Variants in SCN9A observed in about 807,000 individuals in gnomAD.
SCN9A encodes the protein sodium voltage-gated channel alpha subunit 9, also known as sodium channel protein type 9 subunit alpha.
In SCN9A, 131 loss-of-function variants were observed where a neutral mutation model predicts 187.0. That is an observed-to-expected ratio of 0.70 (90% confidence interval 0.61 to 0.81). The LOEUF is 0.81. Ranked by LOEUF, SCN9A falls within the 30% of genes least tolerant of loss-of-function variation. The probability of loss-of-function intolerance (pLI) is 0.00; values close to 1 mark genes in which losing one functional copy is unlikely to be tolerated. For missense variants in SCN9A, 2,252 were observed against 2,396.6 expected (o/e 0.94, Z 1.26); for synonymous variants, 809 against 808.6 (o/e 1.00, Z -0.01).
rs1346697903 is a variant in SCN9A, at chr2:166,199,774, C to T, written c.4865G>A (p.Arg1622His). Residue 1622 changes from arginine (R) to histidine (H), a missense_variant, in exon 27 of 27, where the codon CGT becomes CAT. Arg to His is a conservative substitution (Grantham distance 29). Transcript: ENST00000642356. Reference protein sequence around the residue: ...IRLARIGRILRLVKGAKGIRT... With the variant: ...IRLARIGRILHLVKGAKGIRT... ...GATCCCCTTTGCTCCTTTGACTAGA[C>T]GTAGGATTCGGCCAATCCTGGCAAG... The T allele has an allele frequency of 2.5e-6, 4 of 1,613,860 alleles. No individual in the cohort carries two copies. The highest frequency in any genetic ancestry group is 2.5e-6 in the Non-Finnish European group (3 of 1,180,016).
At chr2:166,346,174 A>C (rs1040509571) in intron 1 of SCN9A, among the ~76,000 whole-genome samples, 1 of 152,188 alleles carries the variant, frequency 6.6e-6, no homozygotes, top group Non-Finnish European at 1.5e-5. Context: ...GTGATGCCCT[A>C]CCACTATCCC....
chr2:166,324,280 G>A (rs749608721), intron 1 of SCN9A, among the ~76,000 whole-genome samples: 4 of 151,510 alleles, frequency 2.6e-5, no homozygotes, highest in Non-Finnish European at 5.9e-5. Context: ...ACCAGAGAGC[G>A]GGACTCCATC....
intron 17 of SCN9A, among the ~76,000 whole-genome samples, chr2:166,259,746 A>G (rs1476198826): frequency 6.6e-6 from 1 of 151,820 alleles, no homozygotes; most frequent in Admixed American, 6.6e-5. Flanking sequence ...AGCATTGCAA[A>G]AAAGTGAAGT....
intron 1 of SCN9A, among the ~76,000 whole-genome samples, chr2:166,350,094 C>T (rs768260693): frequency 6.6e-6 from 1 of 152,196 alleles, no homozygotes; most frequent in Non-Finnish European, 1.5e-5. Flanking sequence ...ACTTCCTCTG[C>T]CATAATTAAA....
intron 17 of SCN9A, among the ~76,000 whole-genome samples, chr2:166,258,755 G>T (rs1247288623): frequency 6.6e-6 from 1 of 151,552 alleles, no homozygotes; most frequent in East Asian, 1.9e-4. Context: ...CCTGCTCTGA[G>T]ATTTTATATT....
chr2:166,331,270 C>T lies in SCN9A; in HGVS notation c.-50-19464G>A, dbSNP rs1431909432. Among the ~76,000 whole-genome samples, 3 of 151,906 alleles carry T rather than the reference C, an allele frequency of 2.0e-5. No individual in the cohort carries two copies. In the East Asian group the frequency reaches 5.8e-4, roughly 29 times the overall value. On this transcript the variant is annotated intron_variant, in intron 1 of 26. Coordinates refer to ENST00000642356, the MANE Select transcript of SCN9A (RefSeq NM_001365536.1). The stretch of plus-strand genomic sequence containing the variant: ...TAGAAAAATTTAGTCTTTCTTTTAC[C>T]ACAACTGAGTATAGTGTGTGTATGT...
intron 24 of SCN9A, among the ~76,000 whole-genome samples, chr2:166,221,583 G>T (rs780446205): frequency 6.6e-6 from 1 of 152,072 alleles, no homozygotes; most frequent in East Asian, 1.9e-4. Context: ...AAATATCTTC[G>T]TAAAGAAGGA....
chr2:166,335,609 T>A (rs1400307446), intron 1 of SCN9A, among the ~76,000 whole-genome samples: 2 of 152,114 alleles, frequency 1.3e-5, no homozygotes, highest in African/African-American at 4.8e-5. Flanking sequence ...AGGGTGATGT[T>A]CGGGACTGGG....
intron 8 of SCN9A, 28 bp downstream of exon 8, chr2:166,294,571 G>A: frequency 6.4e-7 from 1 of 1,553,686 alleles, no homozygotes; most frequent in South Asian, 1.1e-5. Flanking sequence ...TCAGCCTTTA[G>A]ACTAAAAAGA....
rs745837064 is a variant in SCN9A, at chr2:166,204,022, G to A, written c.4707C>T (p.Leu1569=). 4.4e-6 allele frequency: 7 copies of A among 1,606,820 alleles called. No homozygotes were observed. The East Asian group carries it at 1.6e-4, about 36-fold the overall frequency. Residue 1569 remains leucine, a synonymous_variant, in exon 26 of 27, where the codon CTC becomes CTT. Transcript: ENST00000642356. ...TGECVLKLIS[L]RHYYFTVGWN... ...ATCCTACAGTGAAGTAGTAGTGTCT[G>A]AGGGAGATCAGTTTTAGCACACATT...
intron 26 of SCN9A, among the ~76,000 whole-genome samples, chr2:166,203,437 G>A (rs2106345147): frequency 6.6e-6 from 1 of 152,048 alleles, no homozygotes; most frequent in Admixed American, 6.5e-5. Context: ...ACCATGGCTG[G>A]TTGAGGAATG....
chr2:166,252,711 C>A (rs560343090), intron 17 of SCN9A, among the ~76,000 whole-genome samples: 1 of 151,828 alleles, frequency 6.6e-6, no homozygotes, highest in South Asian at 2.1e-4. Context: ...TATAAGTGAT[C>A]ATAACGCAAA....
chr2:166,256,136 A>G (rs1346936759), intron 17 of SCN9A, among the ~76,000 whole-genome samples: 1 of 151,282 alleles, frequency 6.6e-6, no homozygotes, highest in Non-Finnish European at 1.5e-5. Flanking sequence ...TGTAGAACAA[A>G]AATAACCTTT....
chr2:166,302,929 T>C (rs938007943), intron 7 of SCN9A, 161 bp downstream of exon 7: 6 of 599,298 alleles, frequency 1.0e-5, no homozygotes, highest in African/African-American at 7.5e-5. Flanking sequence ...GGATGATTTA[T>C]GAAAATCATA....
chr2:166,204,236 A>G lies in SCN9A; in HGVS notation c.4504-11T>C. On this transcript the variant is annotated splice_polypyrimidine_tract_variant and intron_variant, in intron 25 of 26. Coordinates refer to ENST00000642356, the MANE Select transcript of SCN9A (RefSeq NM_001365536.1). Reference sequence around the variant, plus strand: ...TCCTTGGATTTTGTTCTGCAAAGAAATAAGAATAATATCGAATGCAGAGTA... The same window carrying G: ...TCCTTGGATTTTGTTCTGCAAAGAAGTAAGAATAATATCGAATGCAGAGTA... 1 of 1,605,680 alleles carries G rather than the reference A, an allele frequency of 6.2e-7. No individual in the cohort carries two copies. The highest frequency in any genetic ancestry group is 1.1e-5 in the South Asian group (1 of 89,804).
At position 166,304,271 on chromosome 2, in the gene SCN9A, A is replaced by C; in HGVS notation, c.655T>G (p.Leu219Val). Residue 219 changes from leucine to valine, a missense_variant, in exon 6 of 27, where the codon TTG becomes GTG. Leu to Val is a conservative substitution (Grantham distance 32). Transcript: ENST00000642356. Reference protein sequence around the residue: ...NVSALRTFRVLRALKTISVIP... With the variant: ...NVSALRTFRVVRALKTISVIP... Reference sequence around the variant, plus strand: ...ACAGAAATAGTTTTCAAAGCTCTCAATACTCTGAAAGTTCGAAGAGCTGAA... The same window carrying C: ...ACAGAAATAGTTTTCAAAGCTCTCACTACTCTGAAAGTTCGAAGAGCTGAA... 6.2e-7 allele frequency: 1 copy of C among 1,613,628 alleles called. No individual in the cohort carries two copies.
Position 166,369,171 on chromosome 2 carries a change from T to C in SCN9A, c.-51+6526A>G, listed in dbSNP as rs1700492085. 2.0e-5 allele frequency among the ~76,000 whole-genome samples: 3 copies of C among 151,840 alleles called. No individual in the cohort carries two copies. The South Asian group carries it at 6.2e-4, about 32-fold the overall frequency. ...CCTAATATATAATATACTCTATATA[T>C]AACATATAATATAGTCCTTAGAAGT... On this transcript the variant is annotated intron_variant, in intron 1 of 26. Coordinates refer to ENST00000642356, the MANE Select transcript of SCN9A (RefSeq NM_001365536.1).
At chr2:166,247,568 G>C (rs2106418584) in intron 18 of SCN9A, among the ~76,000 whole-genome samples, 1 of 152,124 alleles carries the variant, frequency 6.6e-6, no homozygotes, top group Non-Finnish European at 1.5e-5. Context: ...CCAGGCTGGA[G>C]TGCAGTAGCA....
intron 21 of SCN9A, among the ~76,000 whole-genome samples, chr2:166,230,825 T>TA (rs1558967564): frequency 6.6e-6 from 1 of 152,042 alleles, no homozygotes; most frequent in African/African-American, 2.4e-5. Flanking sequence ...AATGTTTTTC[T>TA]AAAAAATGTG....
Sources: allele counts gnomAD v4.1 joint callset (sites outside exome capture counted in the v4.1 genomes callset), GRCh38; gene constraint gnomAD v4.1.1; transcripts MANE v1.5; gene names NCBI Gene and HGNC (gene_info 2026-07-23, HGNC 2026-07-21).